EYS: variants seen among roughly 807,000 people sequenced by gnomAD.
The protein encoded by EYS is EGF-like photoreceptor maintenance factor, also known as protein eyes shut homolog.
EYS carries 250 observed loss-of-function variants against 282.1 expected under a neutral mutation model. That is an observed-to-expected ratio of 0.89 (90% CI 0.80 to 0.98). The LOEUF (loss-of-function observed/expected upper bound fraction) is 0.98, where lower values mean the gene tolerates loss of function less well. EYS is among the 50% of genes least tolerant of loss of function. The pLI is 0.00. For missense variants in EYS, 4,016 were observed against 3,709.0 expected, an observed-to-expected ratio of 1.08 and a Z score of -2.15; for synonymous variants, 1,355 against 1,282.9, an observed-to-expected ratio of 1.06 and a Z score of -1.20.
chr6:65,244,849 C>A (rs762713324), intron 12 of EYS, among the ~76,000 whole-genome samples: 1 of 152,016 alleles, frequency 6.6e-6, no homozygotes, highest in Non-Finnish European at 1.5e-5. Flanking sequence ...TGGCATCTAT[C>A]TTTCACCAAA....
At chr6:64,912,370 T>C (rs750712944) in intron 16 of EYS, 114 bp downstream of exon 16, 7 of 835,894 alleles carry the variant, frequency 8.4e-6, no homozygotes, top group Non-Finnish European at 1.3e-5. Context: ...CTACCCACAA[T>C]GTACATAGGA....
At chr6:64,076,386 T>C (rs1342360201) in intron 32 of EYS, among the ~76,000 whole-genome samples, 2 of 151,860 alleles carry the variant, frequency 1.3e-5, no homozygotes, top group Admixed American at 6.6e-5. Context: ...GTGGGGAGAA[T>C]AGAGAACTAC....
intron 31 of EYS, among the ~76,000 whole-genome samples, chr6:64,185,084 T>C (rs1443910532): frequency 6.6e-6 from 1 of 152,098 alleles, no homozygotes; most frequent in African/African-American, 2.4e-5. Context: ...TGAGAAGCCA[T>C]CATACATAAG....
intron 12 of EYS, among the ~76,000 whole-genome samples, chr6:65,151,259 A>G (rs1011466534): frequency 2.0e-5 from 3 of 151,912 alleles, no homozygotes; most frequent in Admixed American, 6.6e-5. Context: ...TGTATCGAAA[A>G]CTCTGAGGCA....
intron 12 of EYS, among the ~76,000 whole-genome samples, chr6:65,143,663 T>C (rs1393775167): frequency 6.6e-6 from 1 of 152,086 alleles, no homozygotes; most frequent in African/African-American, 2.4e-5. Flanking sequence ...CTCCAAGACA[T>C]AGCTTCTCTT....
chr6:64,353,076 C>T (rs1449325113), intron 29 of EYS, among the ~76,000 whole-genome samples: 1 of 151,430 alleles, frequency 6.6e-6, no homozygotes, highest in African/African-American at 2.4e-5. Flanking sequence ...AGAATACCTC[C>T]CCCTACACAC....
chr6:63,871,823 A>G (rs1772812989), intron 35 of EYS, among the ~76,000 whole-genome samples: 2 of 152,150 alleles, frequency 1.3e-5, no homozygotes, highest in African/African-American at 4.8e-5. Context: ...CACTGAAGGA[A>G]GAAGAGGTTC....
At chr6:64,329,157 C>A (rs645531) in intron 29 of EYS, among the ~76,000 whole-genome samples, 10 of 151,950 alleles carry the variant, frequency 6.6e-5, no homozygotes, top group African/African-American at 1.2e-4. Context: ...CTTTATGGTC[C>A]ATACTGGTGT....
At chr6:63,857,857 G>A (rs975548285) in intron 36 of EYS, 14 of 196,642 alleles carry the variant, frequency 7.1e-5, no homozygotes, top group Middle Eastern at 2.2e-3. Context: ...AGCAAGCATC[G>A]GGAAAATGGT....
At chr6:65,222,274 G>C (rs1291544754) in intron 12 of EYS, among the ~76,000 whole-genome samples, 11 of 152,170 alleles carry the variant, frequency 7.2e-5, no homozygotes, top group Admixed American at 7.2e-4. Context: ...ATCTCACCTT[G>C]AAATGTAATA....
chr6:65,219,873 A>G (rs1436702029), intron 12 of EYS, among the ~76,000 whole-genome samples: 1 of 152,022 alleles, frequency 6.6e-6, no homozygotes, highest in Non-Finnish European at 1.5e-5. Context: ...ATCAGATCTC[A>G]TGAGGCTTAT....
chr6:65,397,485 G>A (rs954578688), intron 7 of EYS, among the ~76,000 whole-genome samples: 2 of 151,358 alleles, frequency 1.3e-5, no homozygotes, highest in African/African-American at 4.9e-5. Context: ...TTACTTTCTG[G>A]TTCCGAGTCA....
At chr6:65,156,555 C>A (rs1170835576) in intron 12 of EYS, among the ~76,000 whole-genome samples, 3 of 150,972 alleles carry the variant, frequency 2.0e-5, no homozygotes, top group African/African-American at 7.3e-5. Flanking sequence ...CTGAATATTT[C>A]AATTAAATTT....
intron 5 of EYS, among the ~76,000 whole-genome samples, chr6:65,472,163 C>T (rs898641957): frequency 7.9e-5 from 12 of 151,924 alleles, no homozygotes; most frequent in African/African-American, 2.4e-4. Flanking sequence ...TTCTCAAAAA[C>T]GAAATCATAG....
At chr6:64,385,472 C>G in intron 29 of EYS, among the ~76,000 whole-genome samples, 1 of 152,222 alleles carries the variant, frequency 6.6e-6, no homozygotes, top group East Asian at 1.9e-4. Context: ...TTCAAGGTAA[C>G]TTTATTGGTC....
intron 35 of EYS, among the ~76,000 whole-genome samples, chr6:63,927,822 G>C: frequency 6.6e-6 from 1 of 152,330 alleles, no homozygotes; most frequent in East Asian, 1.9e-4. Context: ...GCTGTGTTAG[G>C]TAGCTTGGAG....
chr6:65,140,099 G>T (rs1272126464), intron 12 of EYS, among the ~76,000 whole-genome samples: 6 of 151,964 alleles, frequency 3.9e-5, no homozygotes, highest in Non-Finnish European at 7.4e-5. Context: ...GAATTTTCAA[G>T]CTGTCATTAT....
intron 22 of EYS, among the ~76,000 whole-genome samples, chr6:64,663,387 A>T (rs1769113395): frequency 1.3e-5 from 2 of 152,144 alleles, no homozygotes; most frequent in Non-Finnish European, 2.9e-5. Flanking sequence ...ACTTTTTCAA[A>T]AGGTTGATAA....
In EYS at chr6:64,590,360, T is replaced by C. The variant is rs1379241625; in HGVS notation, c.5507A>G (p.Glu1836Gly). The C allele has an allele frequency of 1.9e-6, 3 of 1,551,260 alleles. No homozygotes were observed. Among genetic ancestry groups the C allele is most frequent in the Non-Finnish European group, 1.7e-6 (2 of 1,146,682 alleles). ...AGGCTGAAGTTCCCATTTGGACCAT[T>C]CTGAAGAAGTCTTGACCTCTTTTTT... is the stretch of plus-strand genomic sequence containing the variant. ...SLKKEVKTSS[E>G]WSKWELQPSV... is the part of the protein sequence containing the mutation. The change falls in exon 26 of 43, where the codon GAA becomes GGA. Residue 1836 changes from glutamate (E) to glycine (G), a missense_variant. Coordinates refer to ENST00000503581, the MANE Select transcript of EYS (RefSeq NM_001142800.2).
Sources: allele counts gnomAD v4.1 joint callset (sites outside exome capture counted in the v4.1 genomes callset), GRCh38; gene constraint gnomAD v4.1.1; transcripts MANE v1.5; gene names NCBI Gene and HGNC (gene_info 2026-07-23, HGNC 2026-07-21).